ROBO1: variants seen among roughly 807,000 people sequenced by gnomAD.
ROBO1 encodes roundabout guidance receptor 1.
A neutral mutation model predicts 195.9 loss-of-function variants in ROBO1; 149 were observed. The ratio of observed to expected loss-of-function variants is 0.76; its 90% CI spans 0.67 to 0.87. The LOEUF is 0.87. ROBO1 is among the 40% of genes least tolerant of loss of function. The pLI is 0.00. For missense variants in ROBO1, 1,933 were observed against 2,068.3 expected, an observed-to-expected ratio of 0.93 and a Z score of 1.27; for synonymous variants, 816 against 733.2, an observed-to-expected ratio of 1.11 and a Z score of -1.82.
intron 1 of ROBO1, among the ~76,000 whole-genome samples, chr3:79,676,922 T>C (rs544986688): frequency 6.6e-6 from 1 of 152,208 alleles, no homozygotes; most frequent in South Asian, 2.1e-4. Context: ...GTATTTGAGA[T>C]TGAGGGCTCT....
intron 2 of ROBO1, among the ~76,000 whole-genome samples, chr3:79,456,541 C>G (rs995055802): frequency 6.6e-6 from 1 of 152,072 alleles, no homozygotes; most frequent in Non-Finnish European, 1.5e-5. Context: ...ATTCTGTTAT[C>G]TCCTATTTTT....
intron 23 of ROBO1, among the ~76,000 whole-genome samples, chr3:78,635,366 T>A (rs1705431461): frequency 6.6e-6 from 1 of 152,148 alleles, no homozygotes; most frequent in Non-Finnish European, 1.5e-5. Context: ...TTCAGGTTGA[T>A]ATAAAAATGC....
At chr3:79,492,918 T>C (rs561498344) in intron 2 of ROBO1, among the ~76,000 whole-genome samples, 1 of 152,176 alleles carries the variant, frequency 6.6e-6, no homozygotes, top group Admixed American at 6.5e-5. Context: ...CTAATTCCCA[T>C]AGCAGTCATA....
At chr3:78,955,727 A>G (rs1300434138) in intron 3 of ROBO1, among the ~76,000 whole-genome samples, 2 of 152,190 alleles carry the variant, frequency 1.3e-5, no homozygotes, top group African/African-American at 2.4e-5. Flanking sequence ...TAATGTCTGC[A>G]AGATAGCATA....
chr3:78,858,849 C>T (rs1258833081), intron 4 of ROBO1, among the ~76,000 whole-genome samples: 3 of 144,348 alleles, frequency 2.1e-5, no homozygotes, highest in African/African-American at 7.7e-5. Flanking sequence ...GTATCCAAAA[C>T]ACTTCATCTA....
At chr3:78,814,241 G>C (rs1456418307) in intron 4 of ROBO1, among the ~76,000 whole-genome samples, 2 of 151,860 alleles carry the variant, frequency 1.3e-5, no homozygotes, top group Non-Finnish European at 2.9e-5. Flanking sequence ...GATATAATGT[G>C]AGCCACATAT....
intron 21 of ROBO1, among the ~76,000 whole-genome samples, chr3:78,642,708 T>C (rs1369947173): frequency 6.6e-6 from 1 of 152,218 alleles, no homozygotes; most frequent in Non-Finnish European, 1.5e-5. Context: ...TACTTAATAT[T>C]TCCATGATCA....
At chr3:78,852,939 C>A (rs1370365095) in intron 4 of ROBO1, among the ~76,000 whole-genome samples, 1 of 151,962 alleles carries the variant, frequency 6.6e-6, no homozygotes, top group Non-Finnish European at 1.5e-5. Flanking sequence ...TAGAATGGTT[C>A]ATAGGTTTAT....
chr3:79,559,804 C>A (rs1393510928), intron 2 of ROBO1, among the ~76,000 whole-genome samples: 1 of 152,068 alleles, frequency 6.6e-6, no homozygotes, highest in African/African-American at 2.4e-5. Context: ...GTTATCCCAG[C>A]TACTTAGGAG....
intron 2 of ROBO1, among the ~76,000 whole-genome samples, chr3:79,543,082 T>C (rs1317748698): frequency 2.0e-5 from 3 of 152,098 alleles, no homozygotes; most frequent in Non-Finnish European, 2.9e-5. Flanking sequence ...CTGAATAATG[T>C]CTGACTTTCT....
In ROBO1 at chr3:78,670,235, C is replaced by T. The variant is rs376852736; in HGVS notation, c.1409G>A (p.Gly470Asp). 6.3e-7 allele frequency: 1 copy of T among 1,599,986 alleles called. No homozygotes were observed. The highest frequency in any genetic ancestry group is 8.5e-7 in the Non-Finnish European group (1 of 1,172,560). ...GGCCACACAGCTGAGGACGAAAGTG[C>T]CATCCACGGCTACAGTCTGATTCAC... ...GPVNQTVAVD[G>D]TFVLSCVATG... The change falls in exon 11 of 31, where the codon GGC (glycine) becomes GAC (aspartate). Residue 470 changes from glycine (G) to aspartate (D), a missense_variant. Gly to Asp is a moderately conservative substitution (Grantham distance 94). This residue lies in a region of ROBO1 where 1,737 missense variants were observed against 1,882.5 expected (regional missense o/e 0.92). Coordinates refer to ENST00000464233, the MANE Select transcript of ROBO1 (RefSeq NM_002941.4).
intron 2 of ROBO1, among the ~76,000 whole-genome samples, chr3:79,390,907 AAATAGG>A (rs1248914328): frequency 6.6e-6 from 1 of 152,140 alleles, no homozygotes; most frequent in Non-Finnish European, 1.5e-5. Context: ...TGAAGACCTA[AAATAGG>A]ATATGTTTAA....
chr3:79,183,415 C>T (rs920642387), intron 2 of ROBO1, among the ~76,000 whole-genome samples: 1 of 152,178 alleles, frequency 6.6e-6, no homozygotes, highest in Non-Finnish European at 1.5e-5. Flanking sequence ...TCAGAAGTGA[C>T]TCAGTGGATT....
intron 1 of ROBO1, among the ~76,000 whole-genome samples, chr3:79,743,689 T>C (rs1174037868): frequency 6.6e-6 from 1 of 152,250 alleles, no homozygotes; most frequent in Non-Finnish European, 1.5e-5. Context: ...AAATATTTTC[T>C]TTCTGTATAT....
At chr3:79,089,070 T>C (rs990131402) in intron 3 of ROBO1, among the ~76,000 whole-genome samples, 1 of 152,142 alleles carries the variant, frequency 6.6e-6, no homozygotes, top group Non-Finnish European at 1.5e-5. Context: ...ATACTTAGTT[T>C]CTTTCATAAA....
At chr3:78,937,586 A>G (rs1230207415) in intron 4 of ROBO1, among the ~76,000 whole-genome samples, 1 of 152,178 alleles carries the variant, frequency 6.6e-6, no homozygotes, top group Non-Finnish European at 1.5e-5. Flanking sequence ...GTAGATAGAA[A>G]ATAAAAGAAG....
intron 4 of ROBO1, among the ~76,000 whole-genome samples, chr3:78,930,866 T>G (rs1196552581): frequency 1.3e-5 from 2 of 152,218 alleles, no homozygotes; most frequent in African/African-American, 4.8e-5. Context: ...GGTGATGTTT[T>G]AAAATGTAAA....
chr3:79,096,885 A>T (rs946833352), intron 3 of ROBO1, among the ~76,000 whole-genome samples: 37 of 151,660 alleles, frequency 2.4e-4, no homozygotes, highest in Non-Finnish European at 4.6e-4. Context: ...TGAGTTTGAC[A>T]TTGTAAAATG....
chr3:79,050,341 GAAGT>G (rs1279794930), intron 3 of ROBO1, among the ~76,000 whole-genome samples: 2 of 152,158 alleles, frequency 1.3e-5, no homozygotes, highest in Non-Finnish European at 2.9e-5. Flanking sequence ...TCAACAAGAA[GAAGT>G]AACTATCCTA....
Sources: gnomAD v4.1 joint callset for allele counts (sites outside exome capture counted in the v4.1 genomes callset) on GRCh38, gnomAD v4.1.1 for gene constraint, gnomAD v4.1.1 regional missense constraint, MANE v1.5 for transcripts, NCBI Gene and HGNC (gene_info 2026-07-23, HGNC 2026-07-21) for gene names.